ZBTB10: variants seen among roughly 807,000 people sequenced by gnomAD.
The protein encoded by ZBTB10 is zinc finger and BTB domain-containing protein 10.
In ZBTB10, 32 loss-of-function variants were observed where a neutral mutation model predicts 76.4. That is an observed-to-expected ratio of 0.42 (90% CI 0.32 to 0.56). ZBTB10 has a LOEUF of 0.56. ZBTB10 is among the 20% of genes least tolerant of loss of function. ZBTB10 has a pLI of 0.14. For missense variants in ZBTB10, 1,057 were observed against 1,098.5 expected (o/e 0.96, Z 0.53); for synonymous variants, 523 against 432.9 (o/e 1.21, Z -2.58).
At chr8:80,511,115 T>G (rs900421942) in intron 2 of ZBTB10, among the ~76,000 whole-genome samples, 2 of 152,198 alleles carry the variant, frequency 1.3e-5, no homozygotes. Flanking sequence ...AACTCACCTG[T>G]TTTTGAGATT....
chr8:80,497,069 CCAA>C (rs1815801030), intron 1 of ZBTB10, among the ~76,000 whole-genome samples: 1 of 152,148 alleles, frequency 6.6e-6, no homozygotes, highest in Non-Finnish European at 1.5e-5. Context: ...AAAAGGGAAA[CCAA>C]GTAAACAGAA....
At chr8:80,486,025 C>G, upstream of ZBTB10, 1 of 1,021,324 alleles carries the variant, frequency 9.8e-7, no homozygotes, top group Non-Finnish European at 1.3e-6. Context: ...CCCAACCCCT[C>G]GGCCGACTTC....
chr8:80,514,029 G>A, intron 3 of ZBTB10, 21 bp downstream of exon 3: 2 of 1,600,364 alleles, frequency 1.2e-6, no homozygotes, highest in Non-Finnish European at 1.7e-6. Context: ...TAAGATTTTA[G>A]CAACAGTACA....
At position 80,513,916 on chromosome 8, in the gene ZBTB10, A is replaced by G. The variant is rs780240936; in HGVS notation, c.1868A>G (p.Asp623Gly). Reference sequence around the variant, plus strand: ...TTCTATGTTTCCTTTTCAGATTTAGATGGTGCTCTACTCTCGGGGCCAGAT... The same window carrying G: ...TTCTATGTTTCCTTTTCAGATTTAGGTGGTGCTCTACTCTCGGGGCCAGAT... ...TLLIKEEPDL[D>G]GALLSGPDGD... Residue 623 changes from aspartate to glycine, a missense_variant, in exon 3 of 6, where the codon GAT becomes GGT. Around this residue, in one of 5 missense-constraint regions of ZBTB10, gnomAD observed 306 missense variants for 297.5 expected, o/e 1.03. Coordinates refer to ENST00000455036, the MANE Select transcript of ZBTB10 (RefSeq NM_001105539.3). 4.5e-5 allele frequency: 73 copies of G among 1,613,212 alleles called. No homozygotes were observed. The Admixed American group carries it at 5.2e-4, about 11-fold the overall frequency.
intron 1 of ZBTB10, among the ~76,000 whole-genome samples, chr8:80,492,044 A>AGGTT (rs1382165211): frequency 2.2e-4 from 33 of 152,308 alleles, no homozygotes; most frequent in African/African-American, 6.7e-4. Context: ...TAAGGGCGGA[A>AGGTT]GGTTGGTTGG....
intron 2 of ZBTB10, among the ~76,000 whole-genome samples, chr8:80,501,783 A>G (rs1406202668): frequency 6.6e-6 from 1 of 152,240 alleles, no homozygotes; most frequent in African/African-American, 2.4e-5. Flanking sequence ...TTTTAACAAT[A>G]AAATCCCTGA....
At chr8:80,488,637 A>C (rs929682842) in intron 1 of ZBTB10, among the ~76,000 whole-genome samples, 28 of 152,328 alleles carry the variant, frequency 1.8e-4, no homozygotes, top group African/African-American at 6.3e-4. Flanking sequence ...AAAACAAGTA[A>C]GCTGTATTTT....
chr8:80,500,340 G>T lies in ZBTB10; in HGVS notation c.1819G>T (p.Ala607Ser). The T allele has an allele frequency of 6.3e-7, 1 of 1,584,762 alleles. No homozygotes were observed. The highest frequency in any genetic ancestry group is 8.6e-7 in the Non-Finnish European group (1 of 1,165,404). ...EDCSVMQPPV[A>S]YPEENTLLIK... is the part of the protein sequence containing the mutation. ...TTGCTCAGTAATGCAGCCACCTGTT[G>T]CCTATCCAGAAGAAAATACACTACT... The change falls in exon 2 of 6, where the codon GCC (alanine) becomes TCC (serine). Residue 607 changes from alanine to serine, a missense_variant. Ala to Ser is a moderately conservative substitution (Grantham distance 99, BLOSUM62 1). Transcript: ENST00000455036.
rs1201681241 is a variant in ZBTB10 at position 80,525,278 on chromosome 8, A to T, written c.*5750A>T. 1 of 152,160 alleles carries T rather than the reference A, an allele frequency of 6.6e-6. No individual in the cohort carries two copies. The highest frequency in any genetic ancestry group is 1.5e-5 in the Non-Finnish European group (1 of 68,018). 9.4% of individuals were successfully genotyped at this position (152,160 alleles called of 1,614,324 possible). A position where few individuals can be genotyped will look rare whatever the true frequency, so the allele number is the denominator to read the frequency against. On this transcript the variant is annotated 3_prime_UTR_variant, in exon 6 of 6. Coordinates refer to ENST00000455036, the MANE Select transcript of ZBTB10 (RefSeq NM_001105539.3). ...CTGTCTTTCTGAAGTTTAAAGAAAG[A>T]AAGTGAACTATAGAAATCTATTCAG... is the stretch of plus-strand genomic sequence containing the variant.
At chr8:80,517,590 A>G (rs1317100744) in intron 3 of ZBTB10, among the ~76,000 whole-genome samples, 1 of 152,202 alleles carries the variant, frequency 6.6e-6, no homozygotes, top group Non-Finnish European at 1.5e-5. Flanking sequence ...ATCTAGTAAT[A>G]GAACTTTACA....
At position 80,487,287 on chromosome 8, in the gene ZBTB10, G is replaced by T. The variant is rs932913853; in HGVS notation, c.477G>T (p.Ala159=). Residue 159 remains alanine (A), a synonymous_variant, in exon 1 of 6, where the codon GCG becomes GCT. Coordinates refer to ENST00000455036, the MANE Select transcript of ZBTB10 (RefSeq NM_001105539.3). ...PLRHFNGRGP[A]TVDLELDALE... Reference sequence around the variant, plus strand: ...GGCATTTCAATGGGCGAGGGCCGGCGACTGTGGATCTGGAGCTGGACGCGC... The same window carrying T: ...GGCATTTCAATGGGCGAGGGCCGGCTACTGTGGATCTGGAGCTGGACGCGC... 1 of 1,550,092 alleles carries T rather than the reference G, an allele frequency of 6.5e-7. No homozygotes were observed.
At chr8:80,492,927 G>A (rs1815667915) in intron 1 of ZBTB10, among the ~76,000 whole-genome samples, 1 of 152,040 alleles carries the variant, frequency 6.6e-6, no homozygotes, top group Admixed American at 6.5e-5. Flanking sequence ...GCCTAAGGAG[G>A]AGCCAGGCGC....
At chr8:80,501,403 A>G (rs1815921188) in intron 2 of ZBTB10, among the ~76,000 whole-genome samples, 1 of 152,204 alleles carries the variant, frequency 6.6e-6, no homozygotes, top group Non-Finnish European at 1.5e-5. Context: ...CTTTATTTGA[A>G]GAAGCTCAGT....
chr8:80,488,065 T>C (rs1815527810), intron 1 of ZBTB10, among the ~76,000 whole-genome samples: 1 of 152,032 alleles, frequency 6.6e-6, no homozygotes, highest in South Asian at 2.1e-4. Context: ...TCAGATTGAA[T>C]CAAAAAGAAA....
intron 1 of ZBTB10, among the ~76,000 whole-genome samples, chr8:80,497,225 T>C (rs948242041): frequency 6.6e-6 from 1 of 152,198 alleles, no homozygotes; most frequent in Admixed American, 6.5e-5. Flanking sequence ...TGGTTTTTTT[T>C]TTCTTTTAAC....
chr8:80,492,637 C>A (rs1347163580), intron 1 of ZBTB10, among the ~76,000 whole-genome samples: 1 of 151,956 alleles, frequency 6.6e-6, no homozygotes. Flanking sequence ...TGCCACCATG[C>A]TAGGCTAATT....
chr8:80,489,291 C>G (rs1456710903), intron 1 of ZBTB10, among the ~76,000 whole-genome samples: 1 of 152,178 alleles, frequency 6.6e-6, no homozygotes. Context: ...ATTTATTCTG[C>G]AAAGTATTTA....
At position 80,518,460 on chromosome 8, in the gene ZBTB10, A is replaced by G; in HGVS notation, c.2018A>G (p.Tyr673Cys). 2.6e-6 allele frequency: 4 copies of G among 1,553,328 alleles called. No homozygotes were observed. Among genetic ancestry groups the G allele is most frequent in the Non-Finnish European group, 3.5e-6 (4 of 1,147,856 alleles). ...LMPGPSNDFK[Y>C]GLIPGTSNDF... is the part of the protein sequence containing the mutation. ...CCTGGTCCTTCAAATGATTTCAAGT[A>G]TGGATTGATACCAGGTACTTCAAAT... Residue 673 changes from tyrosine to cysteine, a missense_variant, in exon 4 of 6, where the codon TAT (tyrosine) becomes TGT (cysteine). This residue lies in a region of ZBTB10 where 306 missense variants were observed against 297.5 expected (regional missense o/e 1.03). Coordinates refer to ENST00000455036, the MANE Select transcript of ZBTB10 (RefSeq NM_001105539.3).
In ZBTB10 at chr8:80,507,797, C is replaced by T. The variant is rs977531560; in HGVS notation, c.1862-6113C>T. 5.9e-5 allele frequency among the ~76,000 whole-genome samples: 9 copies of T among 152,194 alleles called. No individual in the cohort carries two copies. In the East Asian group the frequency reaches 1.2e-3, roughly 20 times the overall value. ...GATTTTTAAAATAGAGACAGGGTCT[C>T]GTTATGTTGCCCACACTGGTGTCCA... On this transcript the variant is annotated intron_variant, in intron 2 of 5. Transcript: ENST00000455036.
Sources: gnomAD v4.1 joint callset for allele counts (sites outside exome capture counted in the v4.1 genomes callset) on GRCh38, gnomAD v4.1.1 for gene constraint, gnomAD v4.1.1 regional missense constraint, MANE v1.5 for transcripts, NCBI Gene and HGNC (gene_info 2026-07-23, HGNC 2026-07-21) for gene names.